The following LIN28B variants were observed in gnomAD, a reference collection of about 807,000 sequenced individuals.
LIN28B encodes the protein lin-28 RNA binding posttranscriptional regulator B.
Under a neutral mutation model 21.9 loss-of-function variants are expected in LIN28B, and 5 were observed. That is an observed-to-expected ratio of 0.23 (90% CI 0.12 to 0.48). The LOEUF is 0.48. Among genes scored for constraint, LIN28B ranks in the 20% least tolerant of loss-of-function variants. LIN28B has a pLI of 0.98. For synonymous variants in LIN28B, 109 were observed against 111.3 expected (o/e 0.98, Z 0.13); for missense variants, 245 against 310.5 (o/e 0.79, Z 1.58).
intron 3 of LIN28B, among the ~76,000 whole-genome samples, chr6:105,035,963 A>G (rs1461280964): frequency 6.6e-6 from 1 of 152,168 alleles, no homozygotes; most frequent in East Asian, 1.9e-4. Context: ...TTGGGAAAAA[A>G]ATAGTTTTAA....
At chr6:104,997,465 C>T (rs776882094) in intron 2 of LIN28B, among the ~76,000 whole-genome samples, 12 of 151,514 alleles carry the variant, frequency 7.9e-5, no homozygotes, top group East Asian at 1.9e-4. Context: ...TTGATGATGA[C>T]GAAATTGAAC....
chr6:105,051,446 AAAAG>A (rs1004532475), intron 3 of LIN28B, among the ~76,000 whole-genome samples: 4 of 151,944 alleles, frequency 2.6e-5, no homozygotes, highest in Non-Finnish European at 4.4e-5. Context: ...CTGAAAAAAA[AAAAG>A]AAAGAAAAAG....
intron 2 of LIN28B, among the ~76,000 whole-genome samples, chr6:104,960,335 A>G (rs1463675497): frequency 6.6e-6 from 1 of 152,164 alleles, no homozygotes; most frequent in Non-Finnish European, 1.5e-5. Flanking sequence ...TACAGGTATT[A>G]TGTGTGCATC....
chr6:105,066,301 T>G (rs1211714568), intron 3 of LIN28B, among the ~76,000 whole-genome samples: 1 of 152,238 alleles, frequency 6.6e-6, no homozygotes, highest in African/African-American at 2.4e-5. Flanking sequence ...AAAACTCAGA[T>G]TCTACCAGCA....
intron 2 of LIN28B, among the ~76,000 whole-genome samples, chr6:104,993,992 G>A (rs756984406): frequency 2.6e-5 from 4 of 151,892 alleles, no homozygotes; most frequent in Non-Finnish European, 5.9e-5. Context: ...AACTATACCA[G>A]TTCTTGATAA....
At chr6:104,951,037 A>G (rs1156574828) in intron 3 of LIN28B, among the ~76,000 whole-genome samples, 1 of 152,162 alleles carries the variant, frequency 6.6e-6, no homozygotes, top group Non-Finnish European at 1.5e-5. Context: ...AACATATATC[A>G]GAATTTGCTC....
chr6:104,965,269 C>T (rs1481936104), intron 2 of LIN28B, among the ~76,000 whole-genome samples: 1 of 152,130 alleles, frequency 6.6e-6, no homozygotes, highest in Admixed American at 6.5e-5. Flanking sequence ...GTGGCTCATG[C>T]CTGTAATCCC....
Position 105,080,776 on chromosome 6 carries a change from A to G in LIN28B, c.*1993A>G, listed in dbSNP as rs774379158. The G allele has an allele frequency of 4.6e-5, 7 of 152,660 alleles. No individual in the cohort carries two copies. Among genetic ancestry groups the G allele is most frequent in the Non-Finnish European group, 8.8e-5 (6 of 68,050 alleles). 9.5% of individuals were successfully genotyped at this position (152,660 alleles called of 1,614,324 possible). A position where few individuals can be genotyped will look rare whatever the true frequency, so the allele number is the denominator to read the frequency against. ...TGCAAAACATGATAAGCGTTGCTCA[A>G]TTTTTAGCAGGTATAATAAGCAGGT... On this transcript the variant is annotated 3_prime_UTR_variant, in exon 4 of 4. Coordinates refer to ENST00000345080, the MANE Select transcript of LIN28B (RefSeq NM_001004317.4).
chr6:105,003,183 T>C (rs948873130), intron 2 of LIN28B, among the ~76,000 whole-genome samples: 2 of 152,206 alleles, frequency 1.3e-5, no homozygotes, highest in Admixed American at 1.3e-4. Context: ...AGAAAGATAC[T>C]GATAAAGGTG....
At chr6:104,973,539 C>T (rs75036068) in intron 2 of LIN28B, among the ~76,000 whole-genome samples, 5 of 152,152 alleles carry the variant, frequency 3.3e-5, no homozygotes, top group East Asian at 1.9e-4. Context: ...CTCCTCCCCC[C>T]ACTCCCCTTT....
intron 3 of LIN28B, among the ~76,000 whole-genome samples, chr6:105,035,423 T>A (rs1161404266): frequency 6.6e-6 from 1 of 152,130 alleles, no homozygotes; most frequent in Non-Finnish European, 1.5e-5. Context: ...ATAGTCTAGA[T>A]CCTTTGAGGT....
chr6:104,964,236 C>T (rs2114578896), intron 2 of LIN28B, among the ~76,000 whole-genome samples: 1 of 152,276 alleles, frequency 6.6e-6, no homozygotes, highest in East Asian at 1.9e-4. Context: ...GTTACCCAGG[C>T]TGACCTGGAA....
chr6:105,025,144 A>G (rs972934179), intron 2 of LIN28B, among the ~76,000 whole-genome samples: 23 of 152,192 alleles, frequency 1.5e-4, no homozygotes, highest in South Asian at 2.1e-4. Flanking sequence ...CAAATGGCTT[A>G]TTCAAAGCAA....
intron 2 of LIN28B, among the ~76,000 whole-genome samples, chr6:104,997,258 G>A (rs1415765443): frequency 8.8e-5 from 13 of 147,448 alleles, no homozygotes; most frequent in Admixed American, 4.1e-4. Context: ...TCCAGCCTGC[G>A]CGACAGAACG....
intron 2 of LIN28B, among the ~76,000 whole-genome samples, chr6:104,977,274 C>A (rs1770118532): frequency 6.6e-6 from 1 of 152,154 alleles, no homozygotes; most frequent in Non-Finnish European, 1.5e-5. Context: ...TTCCTTTGCA[C>A]AAACAGTATT....
intron 2 of LIN28B, among the ~76,000 whole-genome samples, chr6:104,986,601 G>A (rs1770351238): frequency 6.6e-6 from 1 of 151,466 alleles, no homozygotes; most frequent in Non-Finnish European, 1.5e-5. Context: ...GTTCATTTTA[G>A]GGGAGAAATG....
chr6:104,995,347 A>G (rs1476871298), intron 2 of LIN28B, among the ~76,000 whole-genome samples: 2 of 152,212 alleles, frequency 1.3e-5, no homozygotes, highest in Non-Finnish European at 2.9e-5. Context: ...GTGACTTATT[A>G]CATTTCTAGC....
chr6:105,034,201 T>C (rs1015257707), intron 3 of LIN28B, among the ~76,000 whole-genome samples: 1 of 151,934 alleles, frequency 6.6e-6, no homozygotes, highest in Non-Finnish European at 1.5e-5. Context: ...TTTAGAGTAG[T>C]GACTGTCTTT....
chr6:105,010,561 A>AT (rs913849592), intron 2 of LIN28B, among the ~76,000 whole-genome samples: 7 of 152,166 alleles, frequency 4.6e-5, no homozygotes, highest in African/African-American at 1.7e-4. Flanking sequence ...AGTTTGTGCA[A>AT]TTATCGTTTT....
Sources: gnomAD v4.1 joint callset for allele counts (sites outside exome capture counted in the v4.1 genomes callset) on GRCh38, gnomAD v4.1.1 for gene constraint, MANE v1.5 for transcripts, NCBI Gene and HGNC (gene_info 2026-07-23, HGNC 2026-07-21) for gene names.